PDE10A: variants seen among roughly 807,000 people sequenced by gnomAD.
PDE10A encodes phosphodiesterase 10A, also known as cAMP and cAMP-inhibited cGMP 3',5'-cyclic phosphodiesterase 10A.
PDE10A carries 39 observed loss-of-function variants against 97.7 expected under a neutral mutation model. The ratio of observed to expected loss-of-function variants is 0.40; its 90% CI spans 0.31 to 0.52. The LOEUF (loss-of-function observed/expected upper bound fraction) is 0.52, where lower values mean the gene tolerates loss of function less well. Among genes scored for constraint, PDE10A ranks in the 20% least tolerant of loss-of-function variants. PDE10A has a pLI of 0.56. For synonymous variants in PDE10A, 371 were observed against 376.8 expected (o/e 0.98, Z 0.18); for missense variants, 731 against 1,047.8 (o/e 0.70, Z 4.17).
At chr6:165,831,527 G>C (rs1203820447) in intron 1 of PDE10A, among the ~76,000 whole-genome samples, 1 of 140,408 alleles carries the variant, frequency 7.1e-6, no homozygotes, top group Non-Finnish European at 1.5e-5. Context: ...ACCCAGGCTG[G>C]AGTGCAGTGG....
chr6:165,686,237 G>C (rs1791113627), intron 1 of PDE10A, among the ~76,000 whole-genome samples: 2 of 151,754 alleles, frequency 1.3e-5, no homozygotes, highest in Non-Finnish European at 2.9e-5. Context: ...CCAAAGTGTG[G>C]GTCCTGAGAT....
chr6:165,970,858 A>T (rs553072028), intron 1 of PDE10A, among the ~76,000 whole-genome samples: 14 of 152,262 alleles, frequency 9.2e-5, no homozygotes, highest in African/African-American at 1.9e-4. Flanking sequence ...TGAAAAAAAA[A>T]TTTTTCAGCC....
chr6:165,813,182 G>A (rs1223094456), intron 1 of PDE10A, among the ~76,000 whole-genome samples: 1 of 152,158 alleles, frequency 6.6e-6, no homozygotes, highest in Non-Finnish European at 1.5e-5. Context: ...CTAGACCTTG[G>A]TCTAGATGAG....
At chr6:165,788,784 A>G (rs1306583285) in intron 1 of PDE10A, among the ~76,000 whole-genome samples, 1 of 152,136 alleles carries the variant, frequency 6.6e-6, no homozygotes, top group Non-Finnish European at 1.5e-5. Context: ...TCCATAATCT[A>G]TCATTTAGAC....
intron 1 of PDE10A, among the ~76,000 whole-genome samples, chr6:165,628,480 A>C (rs1788487394): frequency 6.6e-6 from 1 of 152,150 alleles, no homozygotes; most frequent in African/African-American, 2.4e-5. Context: ...GAGCCTCCTA[A>C]GTAGCTGGGA....
chr6:165,520,799 G>A (rs1480939607), intron 2 of PDE10A, among the ~76,000 whole-genome samples: 2 of 152,024 alleles, frequency 1.3e-5, no homozygotes, highest in African/African-American at 4.8e-5. Context: ...TACTCTAAGA[G>A]CCATCAGTGT....
intron 2 of PDE10A, among the ~76,000 whole-genome samples, chr6:165,535,540 C>T (rs1038479548): frequency 3.3e-5 from 5 of 151,790 alleles, no homozygotes; most frequent in Admixed American, 6.6e-5. Flanking sequence ...CATGTTGCTG[C>T]AAAAGACATG....
Position 165,655,012 on chromosome 6 carries a change from C to T in PDE10A, c.865+6935G>A, listed in dbSNP as rs544372396. Among the ~76,000 whole-genome samples, 9 of 152,326 alleles carry T rather than the reference C, an allele frequency of 5.9e-5. 1 individual carries two copies. In the South Asian group the frequency reaches 6.2e-4, roughly 11 times the overall value. ...TCTCCATTCACGACTGTGGCTTCAA[C>T]GACTACCTTGGTGTTGCAGAGTCCA... On this transcript the variant is annotated intron_variant, in intron 1 of 21. Coordinates refer to ENST00000539869, the MANE Select transcript of PDE10A (RefSeq NM_001385079.1). The surrounding 1 kb of genome is among the most constrained non-coding windows in gnomAD (Gnocchi z 4.5).
chr6:165,592,803 G>A (rs1786355861), intron 1 of PDE10A, among the ~76,000 whole-genome samples: 1 of 152,184 alleles, frequency 6.6e-6, no homozygotes, highest in African/African-American at 2.4e-5. Context: ...GAAACAACAG[G>A]TGCTGGAGAG....
chr6:165,794,332 C>T (rs1047450061), intron 1 of PDE10A, among the ~76,000 whole-genome samples: 1 of 151,520 alleles, frequency 6.6e-6, no homozygotes, highest in African/African-American at 2.4e-5. Flanking sequence ...ATCACACACT[C>T]ATAAACACCC....
intron 1 of PDE10A, among the ~76,000 whole-genome samples, chr6:165,673,963 G>A (rs1790720477): frequency 8.0e-6 from 1 of 124,864 alleles, no homozygotes; most frequent in Non-Finnish European, 1.7e-5. Context: ...AATGTGACTT[G>A]AAAGATCTCT....
intron 1 of PDE10A, among the ~76,000 whole-genome samples, chr6:165,943,315 G>A (rs1351226483): frequency 0.047 from 4,040 of 85,410 alleles, 418 homozygotes; most frequent in South Asian, 0.063. Context: ...AAGAAGGAAG[G>A]AAGGAAAGAA....
chr6:165,816,812 A>G (rs1363289802), intron 1 of PDE10A, among the ~76,000 whole-genome samples: 1 of 151,944 alleles, frequency 6.6e-6, no homozygotes, highest in Non-Finnish European at 1.5e-5. Context: ...TGGGTTCCGG[A>G]GGGGGGAAGG....
chr6:165,965,989 T>C (rs1269096404), intron 1 of PDE10A, among the ~76,000 whole-genome samples: 2 of 152,270 alleles, frequency 1.3e-5, no homozygotes, highest in South Asian at 2.1e-4. Flanking sequence ...TTGTATTTAA[T>C]ACATAGATTT....
At chr6:165,871,653 G>A (rs1158350796) in intron 1 of PDE10A, among the ~76,000 whole-genome samples, 1 of 152,232 alleles carries the variant, frequency 6.6e-6, no homozygotes, top group Non-Finnish European at 1.5e-5. Flanking sequence ...TCAAGTTTAT[G>A]GAGAATTAGC....
chr6:165,368,322 GATTC>G (rs1173416287), intron 18 of PDE10A, among the ~76,000 whole-genome samples: 21 of 152,156 alleles, frequency 1.4e-4, no homozygotes, highest in African/African-American at 4.6e-4. Context: ...TTTAATAATT[GATTC>G]ATTATTTAAT....
chr6:165,943,985 G>A (rs902358147), intron 1 of PDE10A, among the ~76,000 whole-genome samples: 5 of 152,140 alleles, frequency 3.3e-5, no homozygotes, highest in Non-Finnish European at 7.3e-5. Context: ...ACCCAAGACT[G>A]GGTAATTTAT....
At chr6:165,755,303 C>T (rs1562720204) in intron 1 of PDE10A, among the ~76,000 whole-genome samples, 1 of 152,200 alleles carries the variant, frequency 6.6e-6, no homozygotes, top group Non-Finnish European at 1.5e-5. Flanking sequence ...AGTTGCCCAA[C>T]TCTCACCATA....
At chr6:165,343,644 T>A in intron 18 of PDE10A, 142 bp from the exon 19 acceptor site, 1 of 634,332 alleles carries the variant, frequency 1.6e-6, no homozygotes, top group Non-Finnish European at 2.8e-6. Flanking sequence ...GCCAGGACAG[T>A]AAAATGGAAT....
Sources: gnomAD v4.1 joint callset for allele counts (sites outside exome capture counted in the v4.1 genomes callset) on GRCh38, gnomAD v4.1.1 for gene constraint, Gnocchi (gnomAD v3.1) non-coding constraint, MANE v1.5 for transcripts, NCBI Gene and HGNC (gene_info 2026-07-23, HGNC 2026-07-21) for gene names.